The following TOPBP1 variants were observed in gnomAD, a reference collection of about 807,000 sequenced individuals.
TOPBP1 encodes DNA topoisomerase 2-binding protein 1.
A neutral mutation model predicts 167.7 loss-of-function variants in TOPBP1; 28 were observed. The ratio of observed to expected loss-of-function variants is 0.17; its 90% CI spans 0.12 to 0.23. TOPBP1 has a LOEUF of 0.23. TOPBP1 is among the 10% of genes least tolerant of loss of function. The pLI is 1.00. For missense variants in TOPBP1, 1,554 were observed against 1,809.6 expected (o/e 0.86, Z 2.56); for synonymous variants, 598 against 611.4 (o/e 0.98, Z 0.32).
chr3:133,601,647 A>G (rs1934303562), intron 27 of TOPBP1, among the ~76,000 whole-genome samples: 1 of 152,190 alleles, frequency 6.6e-6, no homozygotes, highest in Admixed American at 6.5e-5. Flanking sequence ...AACATTTCAT[A>G]TCGGTGTTTT....
intron 24 of TOPBP1, among the ~76,000 whole-genome samples, chr3:133,611,939 T>C (rs939348507): frequency 2.6e-5 from 4 of 152,142 alleles, no homozygotes; most frequent in Non-Finnish European, 5.9e-5. Context: ...AGTCTTGCTA[T>C]GTTTCCCAGG....
intron 27 of TOPBP1, among the ~76,000 whole-genome samples, chr3:133,602,561 AT>A (rs1934339728): frequency 1.3e-5 from 2 of 152,240 alleles, no homozygotes; most frequent in African/African-American, 4.8e-5. Flanking sequence ...GTAAAATCTT[AT>A]TTGGGGCTAT....
intron 8 of TOPBP1, among the ~76,000 whole-genome samples, chr3:133,650,474 TACTC>T (rs757089346): frequency 6.6e-6 from 1 of 152,098 alleles, no homozygotes; most frequent in Admixed American, 6.5e-5. Flanking sequence ...GATGTTACCT[TACTC>T]ACAGAGTTGA....
chr3:133,637,692 T>C (rs540875104), intron 14 of TOPBP1, among the ~76,000 whole-genome samples, 184 bp downstream of exon 14: 1 of 152,362 alleles, frequency 6.6e-6, no homozygotes, highest in African/African-American at 2.4e-5. Flanking sequence ...TATTTATCTA[T>C]AGCTGTTACC....
chr3:133,622,185 GT>G (rs398052284), intron 19 of TOPBP1, among the ~76,000 whole-genome samples: 102 of 106,430 alleles, frequency 9.6e-4, no homozygotes, highest in Middle Eastern at 7.0e-3. Context: ...CACCATTTAT[GT>G]TTTTTTTTTT....
rs376466205 is a variant in TOPBP1, at chr3:133,618,138, C to T, written c.3592+75G>A. 6.3e-6 allele frequency: 8 copies of T among 1,272,638 alleles called. No homozygotes were observed. In the South Asian group the frequency reaches 6.3e-5, roughly 10 times the overall value. 78.8% of individuals were successfully genotyped at this position (1,272,638 alleles called of 1,614,324 possible). On this transcript the variant is annotated intron_variant, in intron 21 of 27. Coordinates refer to ENST00000260810, the MANE Select transcript of TOPBP1 (RefSeq NM_007027.4). Reference sequence around the variant, plus strand: ...GCACATTCAGATCAGAGAACTACAACATGCTCATCTGTTTATTTTTAAGAG... The same window carrying T: ...GCACATTCAGATCAGAGAACTACAATATGCTCATCTGTTTATTTTTAAGAG...
chr3:133,628,440 A>C lies in TOPBP1; in HGVS notation c.2726T>G (p.Val909Gly). 1 of 1,611,338 alleles carries C rather than the reference A, an allele frequency of 6.2e-7. No homozygotes were observed. The highest frequency in any genetic ancestry group is 8.5e-7 in the Non-Finnish European group (1 of 1,178,690). Residue 909 changes from valine (V) to glycine (G), a missense_variant, in exon 16 of 28, where the codon GTG (valine) becomes GGG (glycine). Physicochemically the swap from Val to Gly is moderately radical, Grantham distance 109. Coordinates refer to ENST00000260810, the MANE Select transcript of TOPBP1 (RefSeq NM_007027.4). Reference sequence around the variant, plus strand: ...ACTGAGTTTTTTACTAACACATACCACTACTTTGTGAAGTGGCTTTGGGGC... The same window carrying C: ...ACTGAGTTTTTTACTAACACATACCCCTACTTTGTGAAGTGGCTTTGGGGC... ...EEAPKPLHKV[V>G]VCVSKKLSKK...
At position 133,616,906 on chromosome 3, in the gene TOPBP1, G is replaced by C; in HGVS notation, c.3779C>G (p.Thr1260Ser). 1 of 1,529,366 alleles carries C rather than the reference G, an allele frequency of 6.5e-7. No homozygotes were observed. Among genetic ancestry groups the C allele is most frequent in the Non-Finnish European group, 8.8e-7 (1 of 1,139,898 alleles). 94.7% of individuals were successfully genotyped at this position (1,529,366 alleles called of 1,614,324 possible). ...PREKIITIEE[T>S]HEELKKQYIF... ...GTACTGTTTTTTTAATTCTTCATGA[G>C]TCTCCTCTATCGTTATAATCTGGAA... is the stretch of plus-strand genomic sequence containing the variant. Residue 1260 changes from threonine (T) to serine (S), a missense_variant, in exon 23 of 28, where the codon ACT (threonine) becomes AGT (serine). Physicochemically the swap from Thr to Ser is moderately conservative, Grantham distance 58 (BLOSUM62 1). Around this residue, in one of 3 missense-constraint regions of TOPBP1, gnomAD observed 351 missense variants for 432.9 expected, o/e 0.81. Coordinates refer to ENST00000260810, the MANE Select transcript of TOPBP1 (RefSeq NM_007027.4).
chr3:133,618,135 C>G, intron 21 of TOPBP1, 78 bp downstream of exon 21: 1 of 1,258,586 alleles, frequency 7.9e-7, no homozygotes, highest in Non-Finnish European at 1.1e-6. Flanking sequence ...CAGAGAACTA[C>G]AACATGCTCA....
At chr3:133,630,955 G>C (rs1207618686) in intron 14 of TOPBP1, among the ~76,000 whole-genome samples, 1 of 152,140 alleles carries the variant, frequency 6.6e-6, no homozygotes, top group Non-Finnish European at 1.5e-5. Context: ...AACACTTTGG[G>C]AGGCCAAGGC....
At chr3:133,621,764 T>C (rs994823260) in intron 19 of TOPBP1, among the ~76,000 whole-genome samples, 15 of 152,132 alleles carry the variant, frequency 9.9e-5, no homozygotes, top group African/African-American at 2.9e-4. Context: ...ACTAACCAAA[T>C]AGGTAAGTCA....
intron 8 of TOPBP1, among the ~76,000 whole-genome samples, chr3:133,651,444 C>T (rs1329443098): frequency 6.6e-6 from 1 of 152,010 alleles, no homozygotes; most frequent in Non-Finnish European, 1.5e-5. Context: ...CCACCTTGGC[C>T]TCCCAAAAGT....
chr3:133,647,148 C>T (rs1411717301), intron 10 of TOPBP1, among the ~76,000 whole-genome samples: 1 of 152,062 alleles, frequency 6.6e-6, no homozygotes, highest in East Asian at 1.9e-4. Context: ...AACCAACCAA[C>T]AACAAATCTG....
At chr3:133,634,162 T>C (rs1935587773) in intron 14 of TOPBP1, among the ~76,000 whole-genome samples, 2 of 152,208 alleles carry the variant, frequency 1.3e-5, no homozygotes. Context: ...TGATTTCAAA[T>C]GATTGAGAAT....
chr3:133,611,080 T>A lies in TOPBP1; in HGVS notation c.4097A>T (p.Gln1366Leu). Residue 1366 changes from glutamine to leucine, a missense_variant, in exon 25 of 28, where the codon CAG (glutamine) becomes CTG (leucine). By Grantham distance (113) the Gln-to-Leu change is moderately radical. Transcript: ENST00000260810. ...ILDVLTGINV[Q>L]QRRLALAAMR... ...TGCTGCAAGTGCTAGTCTTCGTTGCTGTACATTGATTCCAGTCAGAACATC... is the reference window on the plus strand; with the variant it reads ...TGCTGCAAGTGCTAGTCTTCGTTGCAGTACATTGATTCCAGTCAGAACATC... The A allele has an allele frequency of 6.2e-7, 1 of 1,613,502 alleles. No homozygotes were observed. The highest frequency in any genetic ancestry group is 8.5e-7 in the Non-Finnish European group (1 of 1,179,546).
At position 133,644,355 on chromosome 3, in the gene TOPBP1, T is replaced by C; in HGVS notation, c.1513A>G (p.Lys505Glu). The change falls in exon 11 of 28, where the codon AAG becomes GAG. Residue 505 changes from lysine to glutamate, a missense_variant. By Grantham distance (56) the Lys-to-Glu change is moderately conservative (BLOSUM62 1). Transcript: ENST00000260810. ...TTAAAGGGCCTGGCTTCAGACGTCT[T>C]AGCCTCAACTGAAAGAGAAAAGTAA... is the stretch of plus-strand genomic sequence containing the variant. ...ENGSSTVVEA[K>E]TSEARPFNDS... 6.4e-7 allele frequency: 1 copy of C among 1,561,854 alleles called. No homozygotes were observed. Among genetic ancestry groups the C allele is most frequent in the Non-Finnish European group, 8.6e-7 (1 of 1,158,220 alleles).
intron 26 of TOPBP1, 25 bp downstream of exon 26, chr3:133,608,846 AGG>A (rs1193658408): frequency 6.3e-7 from 1 of 1,591,534 alleles, no homozygotes; most frequent in East Asian, 2.2e-5. Context: ...TCATGTAAAA[AGG>A]TCAGTAAATT....
rs747168736 is a variant in TOPBP1 at position 133,659,133 on chromosome 3, T to C, written c.102A>G (p.Gln34=). The change falls in exon 3 of 28, where the codon CAA becomes CAG. Residue 34 remains glutamine (Q), a synonymous_variant. Transcript: ENST00000260810. ...TAATAATCTGAAGATATTCTTCTGA[T>C]TGGAATTCTTTTATGGACTGAAAGA... ...FKALESIKEF[Q]SEEYLQIITE... The C allele has an allele frequency of 5.1e-6, 8 of 1,573,032 alleles. No homozygotes were observed. The highest frequency in any genetic ancestry group is 3.8e-5 in the Admixed American group (2 of 52,246).
chr3:133,618,550 C>T (rs1934974024), intron 20 of TOPBP1, 117 bp from the exon 21 acceptor site: 2 of 772,616 alleles, frequency 2.6e-6, no homozygotes, highest in South Asian at 4.5e-5. Flanking sequence ...ATCTAGCACA[C>T]AGTATGCATT....
Sources: allele counts gnomAD v4.1 joint callset (sites outside exome capture counted in the v4.1 genomes callset), GRCh38; gene constraint gnomAD v4.1.1; regional missense constraint gnomAD v4.1.1; transcripts MANE v1.5; gene names NCBI Gene and HGNC (gene_info 2026-07-23, HGNC 2026-07-21).